ADAMTS7: variants seen among roughly 807,000 people sequenced by gnomAD.
The protein encoded by ADAMTS7 is ADAM metallopeptidase with thrombospondin type 1 motif 7, also known as A disintegrin and metalloproteinase with thrombospondin motifs 7.
A neutral mutation model predicts 172.6 loss-of-function variants in ADAMTS7; 89 were observed. The ratio of observed to expected loss-of-function variants is 0.52; its 90% CI spans 0.43 to 0.61. The LOEUF is 0.61. Ranked by LOEUF, ADAMTS7 falls within the 20% of genes least tolerant of loss-of-function variation. ADAMTS7 has a pLI of 0.00. For synonymous variants in ADAMTS7, 885 were observed against 978.4 expected (o/e 0.90, Z 1.78); for missense variants, 1,973 against 2,355.6 (o/e 0.84, Z 3.36).
In ADAMTS7 at chr15:78,771,735, C is replaced by T; in HGVS notation, c.2226G>A (p.Glu742=). 6.2e-7 allele frequency: 1 copy of T among 1,611,080 alleles called. No homozygotes were observed. The highest frequency in any genetic ancestry group is 1.1e-5 in the South Asian group (1 of 91,054). ...CATTGAGGAAGTACTTCTCCGGGTC[C>T]TCGCTCCGCAGTGCCAGGAAGTTGG... ...EAANFLALRS[E]DPEKYFLNGG... is the part of the protein sequence containing the mutation. Residue 742 remains glutamate (E), a synonymous_variant, in exon 15 of 24, where the codon GAG becomes GAA. Transcript: ENST00000388820. This position sits in a 1 kb window ranked among gnomAD's most constrained non-coding sequence, Gnocchi z 4.9.
chr15:78,783,077 G>C (rs956545220), intron 8 of ADAMTS7, among the ~76,000 whole-genome samples: 3 of 152,202 alleles, frequency 2.0e-5, no homozygotes, highest in African/African-American at 7.2e-5. Context: ...GAAAAGCCTA[G>C]AGGATTCCTC....
At chr15:78,776,364 C>G (rs762107856) in intron 10 of ADAMTS7, 31 bp from the exon 11 acceptor site, 15 of 1,600,062 alleles carry the variant, frequency 9.4e-6, no homozygotes, top group Non-Finnish European at 1.3e-5. Context: ...AGAGCCACCC[C>G]ACCCCCAAGT....
Position 78,800,468 on chromosome 15 carries a change from G to A in ADAMTS7, c.180C>T (p.Tyr60=), listed in dbSNP as rs1475251448. 11 of 1,610,788 alleles carry A rather than the reference G, an allele frequency of 6.8e-6. No individual in the cohort carries two copies. Among genetic ancestry groups the A allele is most frequent in the Admixed American group, 5.0e-5 (3 of 59,796 alleles). ...TGCGCAGTGCGCGGGGCCACAGCTC[G>A]TAGGACAGGAAGGAGCCCCCCGCGT... ...RVDAGGSFLS[Y]ELWPRALRKR... The change falls in exon 2 of 24, where the codon TAC becomes TAT. Residue 60 remains tyrosine (Y), a synonymous_variant. Transcript: ENST00000388820.
rs11630236 is a variant in ADAMTS7 at position 78,765,956 on chromosome 15, T to C, written c.3955A>G (p.Thr1319Ala). 0.33 allele frequency: 514,987 copies of C among 1,560,880 alleles called. 51,877 individuals carry two copies. The highest frequency in any genetic ancestry group is 0.37 in the Non-Finnish European group (422,922 of 1,147,894). The change falls in exon 19 of 24, where the codon ACC becomes GCC. Residue 1319 changes from threonine (T) to alanine (A), a missense_variant. By Grantham distance (58) the Thr-to-Ala change is moderately conservative. Coordinates refer to ENST00000388820, the MANE Select transcript of ADAMTS7 (RefSeq NM_014272.5). ...SLEPGTPSFP[T>A]PGPGSWDLQT... ...AGGTCCCATGAGCCTGGTCCTGGGG[T>C]TGGGAAGGAGGGAGTCCCCGGCTCC... is the stretch of plus-strand genomic sequence containing the variant.
In ADAMTS7 at chr15:78,771,376, C is replaced by A; in HGVS notation, c.2377-73G>T. The A allele has an allele frequency of 1.2e-6, 2 of 1,605,504 alleles. No homozygotes were observed. Among genetic ancestry groups the A allele is most frequent in the East Asian group, 2.2e-5 (1 of 44,712 alleles). ...CACCCAGTCCTAAAGGAGCTGACCC[C>A]AGCCACCTCTGTGAACTGCAGCTAC... On this transcript the variant is annotated intron_variant, in intron 15 of 23. Coordinates refer to ENST00000388820, the MANE Select transcript of ADAMTS7 (RefSeq NM_014272.5). The surrounding 1 kb of genome is among the most constrained non-coding windows in gnomAD (Gnocchi z 4.9).
intron 22 of ADAMTS7, among the ~76,000 whole-genome samples, chr15:78,763,188 A>G (rs1016281915): frequency 2.6e-5 from 4 of 152,232 alleles, no homozygotes; most frequent in African/African-American, 9.6e-5. Flanking sequence ...CAACCTGCCC[A>G]GAGTCACTCA....
At chr15:78,805,077 G>A (rs1216402457) in intron 1 of ADAMTS7, among the ~76,000 whole-genome samples, 1 of 152,184 alleles carries the variant, frequency 6.6e-6, no homozygotes, top group Non-Finnish European at 1.5e-5. Flanking sequence ...CAGGGCTCTG[G>A]GGGCCCTAGA....
In ADAMTS7 at chr15:78,782,988, G is replaced by C. The variant is rs1037093592; in HGVS notation, c.1322+5243C>G. Among the ~76,000 whole-genome samples the C allele has an allele frequency of 1.0e-3, 129 of 127,172 alleles. 1 individual carries two copies. Among genetic ancestry groups the C allele is most frequent in the Non-Finnish European group, 3.8e-4 (20 of 53,206 alleles). The allele number at this position is 127,172 out of a possible 152,430, so 83.4% of individuals were successfully genotyped here. A position where few individuals can be genotyped will look rare whatever the true frequency, so the allele number is the denominator to read the frequency against. On this transcript the variant is annotated intron_variant, in intron 8 of 23. Transcript: ENST00000388820. Reference sequence around the variant, plus strand: ...AGGCAGAAGGACCTACAGAGAAAAGGGGACGAGCAAAATCTACACATTGAA... The same window carrying C: ...AGGCAGAAGGACCTACAGAGAAAAGCGGACGAGCAAAATCTACACATTGAA...
intron 1 of ADAMTS7, among the ~76,000 whole-genome samples, chr15:78,806,734 C>T (rs1306724097): frequency 6.6e-6 from 1 of 152,126 alleles, no homozygotes; most frequent in Non-Finnish European, 1.5e-5. Flanking sequence ...GTGGAGGCTA[C>T]AACTCCAAGG....
chr15:78,767,145 T>A (rs1279725189), intron 18 of ADAMTS7, 94 bp from the exon 19 acceptor site: 9 of 1,362,854 alleles, frequency 6.6e-6, no homozygotes, highest in African/African-American at 1.5e-5. Flanking sequence ...CTGCCCGATG[T>A]CAGAGTGGCA....
chr15:78,808,223 A>AT (rs1048250944), intron 1 of ADAMTS7, among the ~76,000 whole-genome samples: 1 of 151,688 alleles, frequency 6.6e-6, no homozygotes, highest in Non-Finnish European at 1.5e-5. Context: ...TATTGCAATA[A>AT]TTTTTTTCTT....
Position 78,811,138 on chromosome 15 carries a change from G to A in ADAMTS7, c.83C>T (p.Ala28Val), listed in dbSNP as rs1411060861. 15 of 1,230,070 alleles carry A rather than the reference G, an allele frequency of 1.2e-5. No homozygotes were observed. Among genetic ancestry groups the A allele is most frequent in the African/African-American group, 1.6e-5 (1 of 64,438 alleles). The allele number at this position is 1,230,070 out of a possible 1,614,324, so 76.2% of individuals were successfully genotyped here. ...ACACCCACCTGGTGCGGGTCCGGGG[G>A]CGCCGGGAGCCAGAGCGCAGAGGAG... Reference protein sequence around the residue: ...LLLLCALAPGAPGPAPGRATE... With the variant: ...LLLLCALAPGVPGPAPGRATE... The change falls in exon 1 of 24, where the codon GCC becomes GTC. Residue 28 changes from alanine to valine, a missense_variant. This residue lies in a region of ADAMTS7 where 306 missense variants were observed against 288.0 expected (regional missense o/e 1.06). Transcript: ENST00000388820.
intron 3 of ADAMTS7, among the ~76,000 whole-genome samples, 191 bp downstream of exon 3, chr15:78,797,756 GC>G (rs2055664939): frequency 1.3e-5 from 2 of 152,216 alleles, no homozygotes; most frequent in South Asian, 4.1e-4. Context: ...ACTGGGGCAG[GC>G]CCGAAAGGCA....
chr15:78,809,629 C>G (rs1422653828), intron 1 of ADAMTS7, among the ~76,000 whole-genome samples: 2 of 152,214 alleles, frequency 1.3e-5, no homozygotes, highest in Non-Finnish European at 2.9e-5. Flanking sequence ...AAGAATCCCA[C>G]GAGGTTGACC....
Position 78,762,447 on chromosome 15 carries a change from G to A in ADAMTS7, c.4859C>T (p.Ser1620Phe). The change falls in exon 23 of 24, where the codon TCC becomes TTC. Residue 1620 changes from serine to phenylalanine, a missense_variant. This residue lies in a region of ADAMTS7 where 42 missense variants were observed against 78.3 expected (regional missense o/e 0.54). Transcript: ENST00000388820. Reference protein sequence around the residue: ...QCGHEAWPESSRPCGTEDCEP... With the variant: ...QCGHEAWPESFRPCGTEDCEP... ...ACAATCCTCGGTGCCACACGGCCGG[G>A]AGCTCTCAGGCCAGGCCTCGTGGCC... 1 of 1,558,140 alleles carries A rather than the reference G, an allele frequency of 6.4e-7. No homozygotes were observed. Among genetic ancestry groups the A allele is most frequent in the Non-Finnish European group, 8.7e-7 (1 of 1,152,312 alleles).
intron 8 of ADAMTS7, among the ~76,000 whole-genome samples, chr15:78,777,840 C>T (rs12907535): frequency 0.56 from 85,892 of 152,044 alleles, 25,637 homozygotes; most frequent in East Asian, 0.71. Context: ...CCCAGGCCTC[C>T]GCACACGCTG....
At position 78,804,678 on chromosome 15, in the gene ADAMTS7, G is replaced by A. The variant is rs111717315; in HGVS notation, c.101-4131C>T. Among the ~76,000 whole-genome samples the A allele has an allele frequency of 6.1e-4, 93 of 152,322 alleles. 2 individuals carry two copies. Among genetic ancestry groups the A allele is most frequent in the African/African-American group, 2.2e-3 (90 of 41,576 alleles). ...GCATCTCCCTCTGCTCACAACCGCC[G>A]CAGCGATGCCAGCCTCAAAGAGCTT... On this transcript the variant is annotated intron_variant, in intron 1 of 23. Coordinates refer to ENST00000388820, the MANE Select transcript of ADAMTS7 (RefSeq NM_014272.5).
Position 78,791,198 on chromosome 15 carries a change from C to T in ADAMTS7, c.845G>A (p.Ser282Asn). Residue 282 changes from serine to asparagine, a missense_variant, in exon 5 of 24, where the codon AGC becomes AAC. Transcript: ENST00000388820. ...GGTGATGTGGATGGGGTTCCCAATG[C>T]TGGGGTCATGAAACAGGCCAGCCAC... ...NMVAGLFHDP[S>N]IGNPIHITIV... The T allele has an allele frequency of 3.7e-6, 6 of 1,613,404 alleles. No homozygotes were observed. In the South Asian group the frequency reaches 6.6e-5, roughly 18 times the overall value.
intron 16 of ADAMTS7, among the ~76,000 whole-genome samples, chr15:78,768,868 G>A (rs2055202980): frequency 6.6e-6 from 1 of 152,306 alleles, no homozygotes; most frequent in Admixed American, 6.5e-5. Flanking sequence ...CCGGGGCTGG[G>A]GCTTCAGCCT....
Sources: gnomAD v4.1 joint callset for allele counts (sites outside exome capture counted in the v4.1 genomes callset) on GRCh38, gnomAD v4.1.1 for gene constraint, gnomAD v4.1.1 regional missense constraint, Gnocchi (gnomAD v3.1) non-coding constraint, MANE v1.5 for transcripts, NCBI Gene and HGNC (gene_info 2026-07-23, HGNC 2026-07-21) for gene names.